Variants in ATAD2B observed in about 807,000 individuals in gnomAD.
The protein encoded by ATAD2B is ATPase family AAA domain-containing protein 2B.
In ATAD2B, 40 loss-of-function variants were observed where a neutral mutation model predicts 167.6. That is an observed-to-expected ratio of 0.24 (90% CI 0.19 to 0.31). The LOEUF is 0.31. Ranked by LOEUF, ATAD2B falls within the 10% of genes least tolerant of loss-of-function variation. The pLI is 1.00. For synonymous variants in ATAD2B, 579 were observed against 596.5 expected (o/e 0.97, Z 0.43); for missense variants, 1,242 against 1,757.2 (o/e 0.71, Z 5.24).
chr2:23,901,348 T>G lies in ATAD2B; in HGVS notation c.217-5378A>C, dbSNP rs1434168590. On this transcript the variant is annotated intron_variant, in intron 1 of 27. Coordinates refer to ENST00000238789, the MANE Select transcript of ATAD2B (RefSeq NM_017552.4). ...TTTGATCATTCATCTTCAAGACCTA[T>G]CTCAGGACCCTTTTTTTTTTTTTCT... Among the ~76,000 whole-genome samples, 4 of 150,666 alleles carry G rather than the reference T, an allele frequency of 2.7e-5. No individual in the cohort carries two copies. In the Admixed American group the frequency reaches 2.7e-4, roughly 10 times the overall value.
rs1466084986 is a variant in ATAD2B at position 23,774,847 on chromosome 2, C to A, written c.3133+8022G>T. Among the ~76,000 whole-genome samples the A allele has an allele frequency of 2.0e-5, 3 of 152,182 alleles. 1 individual carries two copies. The highest frequency in any genetic ancestry group is 4.4e-5 in the Non-Finnish European group (3 of 68,036). On this transcript the variant is annotated intron_variant, in intron 22 of 27. Transcript: ENST00000238789. ...CCCGGGAGGCGGGGATTGCAGTGAGCTGAGATCGTGCCATTGTGCTCCAGC... is the reference window on the plus strand; with the variant it reads ...CCCGGGAGGCGGGGATTGCAGTGAGATGAGATCGTGCCATTGTGCTCCAGC...
the ATAD2B span, among the ~76,000 whole-genome samples, chr2:23,743,431 C>T: frequency 5.9e-5 from 9 of 151,800 alleles, no homozygotes; most frequent in Non-Finnish European, 1.0e-4. Flanking sequence ...TGCATGGTGG[C>T]GCATGCCTGT....
At chr2:23,926,304 G>T (rs902160795) in intron 1 of ATAD2B, among the ~76,000 whole-genome samples, 2 of 152,128 alleles carry the variant, frequency 1.3e-5, no homozygotes, top group Non-Finnish European at 2.9e-5. Flanking sequence ...CGCCGAAAGG[G>T]ACCCCCAAAG....
At chr2:23,873,023 G>C in intron 8 of ATAD2B, 2 of 657,634 alleles carry the variant, frequency 3.0e-6, no homozygotes, top group Non-Finnish European at 5.6e-6. Flanking sequence ...ATGGCAGCGG[G>C]CTGGGGAGGC....
At chr2:23,765,702 A>G (rs1022739992) in intron 22 of ATAD2B, 74 bp from the exon 23 acceptor site, 2 of 985,822 alleles carry the variant, frequency 2.0e-6, no homozygotes, top group Middle Eastern at 3.5e-4. Flanking sequence ...CTTAAAAAGT[A>G]AAAGAATACA....
intron 22 of ATAD2B, among the ~76,000 whole-genome samples, chr2:23,779,874 CAG>C (rs1054355251): frequency 2.0e-5 from 3 of 152,032 alleles, no homozygotes; most frequent in African/African-American, 7.2e-5. Context: ...GGGACGGAAA[CAG>C]AGAAAAAACA....
chr2:23,854,268 A>T (rs1336955320), intron 13 of ATAD2B, among the ~76,000 whole-genome samples: 1 of 152,038 alleles, frequency 6.6e-6, no homozygotes, highest in East Asian at 1.9e-4. Context: ...GAATACCTGT[A>T]TTAAAAAAAT....
At chr2:23,681,587 T>C in the ATAD2B span, among the ~76,000 whole-genome samples, 1 of 152,168 alleles carries the variant, frequency 6.6e-6, no homozygotes, top group Non-Finnish European at 1.5e-5. This position sits in a 1 kb window ranked among gnomAD's most constrained non-coding sequence, Gnocchi z 4.2. Flanking sequence ...GCCACATCTG[T>C]CACTCTCTGC....
At chr2:23,722,188 G>A in the ATAD2B span, among the ~76,000 whole-genome samples, 322 of 151,970 alleles carry the variant, frequency 2.1e-3, 10 homozygotes, top group East Asian at 0.047. Flanking sequence ...ACACATCAAC[G>A]ATGAAAATGC....
At chr2:23,810,290 A>C (rs1233555767) in intron 18 of ATAD2B, 26 bp downstream of exon 18, 1 of 1,575,858 alleles carries the variant, frequency 6.3e-7, no homozygotes, top group Non-Finnish European at 8.7e-7. Context: ...GAAAGTTGGA[A>C]GTGCTCTGAT....
At chr2:23,854,520 AT>A (rs1395985475) in intron 13 of ATAD2B, among the ~76,000 whole-genome samples, 1 of 151,964 alleles carries the variant, frequency 6.6e-6, no homozygotes, top group East Asian at 2.0e-4. Flanking sequence ...TCTACTAAAA[AT>A]ACAAAAATTA....
chr2:23,888,136 A>C (rs1698962068), intron 3 of ATAD2B, among the ~76,000 whole-genome samples, 151 bp from the exon 4 acceptor site: 1 of 152,240 alleles, frequency 6.6e-6, no homozygotes, highest in African/African-American at 2.4e-5. Context: ...AAATTTCTAT[A>C]AATTTTACAA....
chr2:23,914,954 GT>G (rs539682284), intron 1 of ATAD2B, among the ~76,000 whole-genome samples: 55 of 152,166 alleles, frequency 3.6e-4, no homozygotes, highest in Middle Eastern at 6.8e-3. Context: ...CACTCTTGGT[GT>G]CTATCTCAAA....
At chr2:23,794,837 T>C (rs2712058) in intron 19 of ATAD2B, among the ~76,000 whole-genome samples, 5,890 of 152,172 alleles carry the variant, frequency 0.039, 109 homozygotes, top group South Asian at 0.046. Context: ...AAATATTTAA[T>C]ATGAAAAATA....
At chr2:23,719,291 C>T in the ATAD2B span, among the ~76,000 whole-genome samples, 1 of 152,134 alleles carries the variant, frequency 6.6e-6, no homozygotes, top group African/African-American at 2.4e-5. Flanking sequence ...GGACACAATC[C>T]AAAATGACTT....
chr2:23,831,516 G>A (rs977552549), intron 14 of ATAD2B, among the ~76,000 whole-genome samples: 2 of 151,942 alleles, frequency 1.3e-5, no homozygotes, highest in African/African-American at 4.8e-5. Context: ...TACTTCCCTA[G>A]GCCGTTCATT....
rs1697239737 is a variant in ATAD2B at position 23,878,025 on chromosome 2, A to AAAAAAAG, written c.902-2122_902-2121insCTTTTTT. Among the ~76,000 whole-genome samples, 406 of 106,924 alleles carry AAAAAAAG rather than the reference A, an allele frequency of 3.8e-3. 12 individuals are homozygous for AAAAAAAG. Among genetic ancestry groups the AAAAAAAG allele is most frequent in the Non-Finnish European group, 6.8e-3 (323 of 47,164 alleles). 70.1% of individuals were successfully genotyped at this position (106,924 alleles called of 152,430 possible). A position where few individuals can be genotyped will look rare whatever the true frequency, so the allele number is the denominator to read the frequency against. ...ACCCTATCTCCAAAGAAAAAAAAAA[A>AAAAAAAG]AAAAAAAAAAAAAAGCAAAATGTAT... On this transcript the variant is annotated intron_variant, in intron 7 of 27. Transcript: ENST00000238789.
chr2:23,707,469 G>C, the ATAD2B span: 1 of 152,264 alleles, frequency 6.6e-6, no homozygotes, highest in Non-Finnish European at 1.5e-5. Context: ...GCTCTTTGTA[G>C]GTAGTGCCAG....
rs564279706 is a variant in ATAD2B, at chr2:23,819,207, A to G, written c.2267+540T>C. Among the ~76,000 whole-genome samples, 13 of 152,312 alleles carry G rather than the reference A, an allele frequency of 8.5e-5. No homozygotes were observed. The East Asian group carries it at 2.3e-3, about 27-fold the overall frequency. ...AATTTACACCATTACTTTAAAAAAAAGTAAACTTAGCCAGGTACAGTGGCA... is the reference window on the plus strand; with the variant it reads ...AATTTACACCATTACTTTAAAAAAAGGTAAACTTAGCCAGGTACAGTGGCA... On this transcript the variant is annotated intron_variant, in intron 17 of 27. Coordinates refer to ENST00000238789, the MANE Select transcript of ATAD2B (RefSeq NM_017552.4).
Sources: allele counts gnomAD v4.1 joint callset (sites outside exome capture counted in the v4.1 genomes callset), GRCh38; gene constraint gnomAD v4.1.1; non-coding constraint Gnocchi (gnomAD v3.1); transcripts MANE v1.5; gene names NCBI Gene and HGNC (gene_info 2026-07-23, HGNC 2026-07-21).